The following TMEM268 variants were observed in gnomAD, a reference collection of about 807,000 sequenced individuals.
The protein encoded by TMEM268 is transmembrane protein 268.
TMEM268 carries 24 observed loss-of-function variants against 39.1 expected under a neutral mutation model. The ratio of observed to expected loss-of-function variants is 0.61; its 90% CI spans 0.44 to 0.86. The LOEUF is 0.86. Ranked by LOEUF, TMEM268 falls within the 40% of genes least tolerant of loss-of-function variation. The probability of loss-of-function intolerance (pLI) is 0.00; values close to 1 mark genes in which losing one functional copy is unlikely to be tolerated. For synonymous variants in TMEM268, 176 were observed against 173.5 expected (o/e 1.01, Z -0.12); for missense variants, 409 against 428.6 (o/e 0.95, Z 0.40).
In TMEM268 at chr9:114,637,980, A is replaced by G. The variant is rs547213445; in HGVS notation, c.667-564A>G. Reference sequence around the variant, plus strand: ...GAGTCTCAGTTTATTCATTTGCAACATATGGATAAAGATACCCACATCCCA... The same window carrying G: ...GAGTCTCAGTTTATTCATTTGCAACGTATGGATAAAGATACCCACATCCCA... On this transcript the variant is annotated intron_variant, in intron 7 of 8. Transcript: ENST00000288502. Among the ~76,000 whole-genome samples, 6 of 152,342 alleles carry G rather than the reference A, an allele frequency of 3.9e-5. No individual in the cohort carries two copies. In the South Asian group the frequency reaches 1.2e-3, roughly 32 times the overall value.
chr9:114,609,354 C>G (rs1482969835), upstream of TMEM268, among the ~76,000 whole-genome samples: 1 of 150,742 alleles, frequency 6.6e-6, no homozygotes, highest in Non-Finnish European at 1.5e-5. Flanking sequence ...CAAGCATGTA[C>G]ATTCTGACTC....
rs571495111 is a variant in TMEM268 at position 114,633,755 on chromosome 9, G to A, written c.475-13G>A. ...ATGGAGGTCTGGTGATGGGCCTGGC[G>A]TTTGTCTTACAGGCCAACACCAACA... On this transcript the variant is annotated splice_polypyrimidine_tract_variant and intron_variant, in intron 5 of 8. Coordinates refer to ENST00000288502, the MANE Select transcript of TMEM268 (RefSeq NM_153045.4). 1.6e-5 allele frequency: 24 copies of A among 1,519,112 alleles called. No individual in the cohort carries two copies. The Admixed American group carries it at 2.7e-4, about 17-fold the overall frequency. The allele number at this position is 1,519,112 out of a possible 1,614,324, so 94.1% of individuals were successfully genotyped here. A position where few individuals can be genotyped will look rare whatever the true frequency, so the allele number is the denominator to read the frequency against.
upstream of TMEM268, among the ~76,000 whole-genome samples, chr9:114,609,718 A>G (rs1335775732): frequency 7.8e-6 from 1 of 127,980 alleles, no homozygotes; most frequent in Admixed American, 8.4e-5. Context: ...AAAAAGAAAA[A>G]GAAAAAGAAA....
chr9:114,643,159 T>C lies in TMEM268; in HGVS notation c.875T>C (p.Val292Ala). The change falls in exon 9 of 9, where the codon GTG becomes GCG. Residue 292 changes from valine to alanine, a missense_variant. Transcript: ENST00000288502. ...PEEMARQLLA[V>A]FGGYYIRLLV... Reference sequence around the variant, plus strand: ...GAAATGGCCCGCCAGCTGCTGGCAGTGTTTGGCGGCTACTACATCCGGCTT... The same window carrying C: ...GAAATGGCCCGCCAGCTGCTGGCAGCGTTTGGCGGCTACTACATCCGGCTT... 6.2e-7 allele frequency: 1 copy of C among 1,614,080 alleles called. No homozygotes were observed. The highest frequency in any genetic ancestry group is 8.5e-7 in the Non-Finnish European group (1 of 1,179,994).
At chr9:114,643,098 C>G (rs751602513) in intron 8 of TMEM268, 36 bp from the exon 9 acceptor site, 3 of 1,611,964 alleles carry the variant, frequency 1.9e-6, no homozygotes, top group Non-Finnish European at 2.5e-6. Context: ...AAGGGGCTCC[C>G]CTGTGGTATT....
chr9:114,617,984 C>A (rs1226637680), intron 2 of TMEM268, among the ~76,000 whole-genome samples: 2 of 151,998 alleles, frequency 1.3e-5, no homozygotes, highest in Non-Finnish European at 2.9e-5. Context: ...TCAAGCAGTT[C>A]TCCTGCCTCG....
chr9:114,613,593 G>A (rs769755022), intron 1 of TMEM268, among the ~76,000 whole-genome samples: 3 of 152,358 alleles, frequency 2.0e-5, no homozygotes, highest in South Asian at 4.1e-4. Context: ...CGTGATGAGA[G>A]TGAGAAACAC....
chr9:114,642,270 C>T (rs1827386460), intron 8 of TMEM268, among the ~76,000 whole-genome samples: 1 of 152,184 alleles, frequency 6.6e-6, no homozygotes, highest in South Asian at 2.1e-4. Context: ...CTAGGTGCCT[C>T]CTATTAGTGG....
chr9:114,632,419 A>G (rs1306082243), intron 5 of TMEM268, among the ~76,000 whole-genome samples: 2 of 152,104 alleles, frequency 1.3e-5, no homozygotes, highest in Non-Finnish European at 2.9e-5. Context: ...TTTGAGAACT[A>G]TTATTCTTGA....
chr9:114,610,480 G>A (rs1437447295), upstream of TMEM268, among the ~76,000 whole-genome samples: 1 of 152,226 alleles, frequency 6.6e-6, no homozygotes, highest in Non-Finnish European at 1.5e-5. Flanking sequence ...TTTGTCGAAT[G>A]AAAAAGCAGA....
chr9:114,622,582 A>G, intron 2 of TMEM268: 4 of 876,648 alleles, frequency 4.6e-6, no homozygotes, highest in South Asian at 1.0e-4. Flanking sequence ...AGCTGGTCTC[A>G]TGGTCTGGCT....
rs1172622774 is a variant in TMEM268, at chr9:114,624,359, A to G, written c.116A>G (p.Asn39Ser). 8 of 1,601,182 alleles carry G rather than the reference A, an allele frequency of 5.0e-6. No individual in the cohort carries two copies. In the African/African-American group the frequency reaches 6.7e-5, roughly 13 times the overall value. The stretch of plus-strand genomic sequence containing the variant: ...TCTGGTCTGCTTCCAGAGCTCCACA[A>G]TGGCCAGGTCCTCACTGTTCTCCGG... ...SPPGWGQELHNGQVLTVLRID... is the reference protein window; with the variant it reads ...SPPGWGQELHSGQVLTVLRID... Residue 39 changes from asparagine (N) to serine (S), a missense_variant, in exon 3 of 9, where the codon AAT (asparagine) becomes AGT (serine). By Grantham distance (46) the Asn-to-Ser change is conservative. Transcript: ENST00000288502.
chr9:114,635,636 G>A (rs1455160316), intron 6 of TMEM268, among the ~76,000 whole-genome samples: 6 of 152,022 alleles, frequency 3.9e-5, no homozygotes, highest in South Asian at 2.1e-4. Flanking sequence ...CTGTGATCGC[G>A]CCACTGCGCT....
At chr9:114,619,716 C>T (rs1845871045) in intron 2 of TMEM268, among the ~76,000 whole-genome samples, 1 of 152,144 alleles carries the variant, frequency 6.6e-6, no homozygotes, top group African/African-American at 2.4e-5. Context: ...GGAGTTTCTT[C>T]ACTTTTCAAA....
intron 5 of TMEM268, among the ~76,000 whole-genome samples, chr9:114,629,044 C>T (rs903321248): frequency 8.5e-5 from 13 of 152,316 alleles, no homozygotes; most frequent in Non-Finnish European, 1.3e-4. Flanking sequence ...ACCCTAGACT[C>T]AGGCTCATAG....
intron 2 of TMEM268, among the ~76,000 whole-genome samples, chr9:114,618,325 G>C (rs566878753): frequency 6.6e-6 from 1 of 152,160 alleles, no homozygotes; most frequent in Non-Finnish European, 1.5e-5. Flanking sequence ...CCTTCTGCCT[G>C]TTGTGCTTTT....
Position 114,616,304 on chromosome 9 carries a change from C to T in TMEM268, c.-78-814C>T, listed in dbSNP as rs183766164. On this transcript the variant is annotated intron_variant, in intron 1 of 8. Coordinates refer to ENST00000288502, the MANE Select transcript of TMEM268 (RefSeq NM_153045.4). ...TGCTGGGATTACAGGTGTGAGCCACCGCGCCTGGCTTCTTTTTCATTTATA... is the reference window on the plus strand; with the variant it reads ...TGCTGGGATTACAGGTGTGAGCCACTGCGCCTGGCTTCTTTTTCATTTATA... Among the ~76,000 whole-genome samples the T allele has an allele frequency of 2.2e-3, 333 of 152,046 alleles. 2 individuals carry two copies. Among genetic ancestry groups the T allele is most frequent in the East Asian group, 3.1e-3 (16 of 5,166 alleles).
chr9:114,639,497 A>G (rs1846796530), intron 8 of TMEM268, among the ~76,000 whole-genome samples: 1 of 152,078 alleles, frequency 6.6e-6, no homozygotes, highest in African/African-American at 2.4e-5. Context: ...GCACTGGCAG[A>G]CCAGAATTCT....
intron 8 of TMEM268, among the ~76,000 whole-genome samples, chr9:114,638,930 A>G (rs563119504): frequency 5.3e-4 from 81 of 152,200 alleles, no homozygotes; most frequent in African/African-American, 1.9e-3. Flanking sequence ...TTTTATATTT[A>G]TTGGGACTTT....
Sources: gnomAD v4.1 joint callset for allele counts (sites outside exome capture counted in the v4.1 genomes callset) on GRCh38, gnomAD v4.1.1 for gene constraint, MANE v1.5 for transcripts, NCBI Gene and HGNC (gene_info 2026-07-23, HGNC 2026-07-21) for gene names.